The following MTR variants were observed in gnomAD, a reference collection of about 807,000 sequenced individuals.
MTR encodes methionine synthase.
In MTR, 84 loss-of-function variants were observed where a neutral mutation model predicts 154.8. The observed-to-expected ratio is 0.54, with a 90% confidence interval of 0.45 to 0.65. The LOEUF (loss-of-function observed/expected upper bound fraction) is 0.65. MTR is among the 30% of genes least tolerant of loss of function. MTR has a pLI of 0.00. For synonymous variants in MTR, 554 were observed against 553.9 expected, an observed-to-expected ratio of 1.00 and a Z score of 0.00; for missense variants, 1,275 against 1,570.2, an observed-to-expected ratio of 0.81 and a Z score of 3.18.
chr1:236,858,848 G>T (rs1032102618), intron 18 of MTR, among the ~76,000 whole-genome samples: 3 of 152,208 alleles, frequency 2.0e-5, no homozygotes, highest in African/African-American at 7.2e-5. Flanking sequence ...GGTGTGCCAT[G>T]ATCATTGCGC....
At position 236,845,337 on chromosome 1, in the gene MTR, G is replaced by T. The variant is rs77045698; in HGVS notation, c.1516-5007G>T. Among the ~76,000 whole-genome samples the T allele has an allele frequency of 4.5e-3, 678 of 152,318 alleles. 3 individuals carry two copies. Among genetic ancestry groups the T allele is most frequent in the Non-Finnish European group, 7.5e-3 (513 of 68,036 alleles). On this transcript the variant is annotated intron_variant, in intron 15 of 32. Coordinates refer to ENST00000366577, the MANE Select transcript of MTR (RefSeq NM_000254.3). ...CTAGTTATGAAAGATATACAAATTA[G>T]AGCAGCATTAAGGTAATGTTTTATC...
Position 236,795,565 on chromosome 1 carries a change from C to G in MTR, c.-139C>G, listed in dbSNP as rs760873001. The G allele has an allele frequency of 3.8e-5, 60 of 1,559,032 alleles. No individual in the cohort carries two copies. The highest frequency in any genetic ancestry group is 5.2e-5 in the Non-Finnish European group (60 of 1,157,826). ...GTCCGCAGTCCCCCCGCGACGCGAGCCAACGGGAGGCGTCAAAAGACCCGG... is the reference window on the plus strand; with the variant it reads ...GTCCGCAGTCCCCCCGCGACGCGAGGCAACGGGAGGCGTCAAAAGACCCGG... On this transcript the variant is annotated 5_prime_UTR_variant, in exon 1 of 33. Transcript: ENST00000366577.
intron 8 of MTR, among the ~76,000 whole-genome samples, chr1:236,820,810 A>G (rs1233949523): frequency 1.3e-5 from 2 of 152,142 alleles, no homozygotes; most frequent in East Asian, 3.9e-4. Context: ...CCTTCCCAAC[A>G]TTTGTTTGGT....
At chr1:236,890,047 G>A (rs1666230871) in intron 28 of MTR, among the ~76,000 whole-genome samples, 1 of 152,138 alleles carries the variant, frequency 6.6e-6, no homozygotes, top group Non-Finnish European at 1.5e-5. Context: ...CAAAGGATCA[G>A]GTAGTAGCCA....
In MTR at chr1:236,900,086, G is replaced by A; in HGVS notation, c.*2442G>A. On this transcript the variant is annotated 3_prime_UTR_variant, in exon 33 of 33. Transcript: ENST00000366577. ...CTGTATGTCCAGCAAACTCTTGCAT[G>A]TGGCCACTAGGAGGAATGTGTAAGA... is the stretch of plus-strand genomic sequence containing the variant. 1 of 309,066 alleles carries A rather than the reference G, an allele frequency of 3.2e-6. No individual in the cohort carries two copies. The allele number at this position is 309,066 out of a possible 1,614,324, so 19.1% of individuals were successfully genotyped here.
chr1:236,841,034 G>A (rs1042307008), intron 15 of MTR, among the ~76,000 whole-genome samples: 6 of 152,106 alleles, frequency 3.9e-5, no homozygotes, highest in Non-Finnish European at 8.8e-5. Flanking sequence ...TAGACAAATA[G>A]TTCCGTAAAC....
chr1:236,846,873 TTTTTTG>T (rs528009538), intron 15 of MTR, among the ~76,000 whole-genome samples: 236 of 152,246 alleles, frequency 1.6e-3, no homozygotes, highest in African/African-American at 5.5e-3. Context: ...CACTTCTGTT[TTTTTTG>T]TTTTTGTTTT....
chr1:236,872,876 T>C (rs1665218294), intron 22 of MTR, among the ~76,000 whole-genome samples: 1 of 152,140 alleles, frequency 6.6e-6, no homozygotes, highest in South Asian at 2.1e-4. Context: ...TAGTGGGGCA[T>C]GCCTGTGGTC....
At chr1:236,806,272 G>A (rs774911437) in intron 3 of MTR, 39 bp downstream of exon 3, 14 of 1,533,966 alleles carry the variant, frequency 9.1e-6, no homozygotes, top group South Asian at 2.2e-5. Flanking sequence ...AGATGCTTAC[G>A]AGCGTTTGCT....
chr1:236,818,954 A>G (rs1003472995), intron 8 of MTR, among the ~76,000 whole-genome samples: 13 of 152,224 alleles, frequency 8.5e-5, no homozygotes, highest in Non-Finnish European at 1.8e-4. Flanking sequence ...GAATTTAGAG[A>G]CAGCTTGTAA....
intron 5 of MTR, among the ~76,000 whole-genome samples, chr1:236,811,876 T>G (rs922133808): frequency 1.3e-5 from 2 of 152,232 alleles, no homozygotes; most frequent in Non-Finnish European, 2.9e-5. Context: ...TTGCAATTTC[T>G]GAGAACCTGT....
intron 6 of MTR, among the ~76,000 whole-genome samples, chr1:236,815,313 A>G (rs1221553582): frequency 6.6e-6 from 1 of 152,038 alleles, no homozygotes; most frequent in Non-Finnish European, 1.5e-5. Flanking sequence ...TTTATTTTTA[A>G]TTTTTATTGA....
At chr1:236,807,795 G>C (rs1434798138) in intron 3 of MTR, among the ~76,000 whole-genome samples, 1 of 152,154 alleles carries the variant, frequency 6.6e-6, no homozygotes, top group African/African-American at 2.4e-5. Flanking sequence ...TTTTAATAAA[G>C]GGTCAGATAG....
chr1:236,878,176 T>G (rs1305031947), intron 24 of MTR, among the ~76,000 whole-genome samples: 1 of 152,212 alleles, frequency 6.6e-6, no homozygotes, highest in Non-Finnish European at 1.5e-5. Context: ...AAAGTCTTAA[T>G]TTTTATAAAG....
chr1:236,858,829 A>T (rs1157521442), intron 18 of MTR, among the ~76,000 whole-genome samples: 14 of 152,318 alleles, frequency 9.2e-5, no homozygotes, highest in Admixed American at 9.2e-4. Flanking sequence ...AAAGTAATGC[A>T]ATTTATCAGG....
At chr1:236,816,218 TAC>T (rs1234516341) in intron 7 of MTR, among the ~76,000 whole-genome samples, 1 of 152,214 alleles carries the variant, frequency 6.6e-6, no homozygotes, top group African/African-American at 2.4e-5. Context: ...TTGCTTTTGC[TAC>T]AGTGACTTTC....
chr1:236,795,850 C>G, intron 1 of MTR, 113 bp downstream of exon 1: 1 of 1,530,002 alleles, frequency 6.5e-7, no homozygotes, highest in South Asian at 1.1e-5. Flanking sequence ...GCGGTGTTTC[C>G]CCGCGTGTGG....
chr1:236,814,560 C>T (rs978826818), intron 6 of MTR, among the ~76,000 whole-genome samples: 1 of 152,122 alleles, frequency 6.6e-6, no homozygotes, highest in African/African-American at 2.4e-5. Context: ...AGTTTTCCTA[C>T]CACCATCTAT....
chr1:236,804,523 C>A (rs1436918737), intron 2 of MTR, among the ~76,000 whole-genome samples: 1 of 152,096 alleles, frequency 6.6e-6, no homozygotes, highest in East Asian at 1.9e-4. Context: ...TACTTATATA[C>A]CATGAGTATT....
Sources: gnomAD v4.1 joint callset for allele counts (sites outside exome capture counted in the v4.1 genomes callset) on GRCh38, gnomAD v4.1.1 for gene constraint, MANE v1.5 for transcripts, NCBI Gene and HGNC (gene_info 2026-07-23, HGNC 2026-07-21) for gene names.